Variants in MYEF2 observed in about 807,000 individuals in gnomAD.
MYEF2 encodes myelin gene expression factor 2.
Under a neutral mutation model 75.2 loss-of-function variants are expected in MYEF2, and 37 were observed. The ratio of observed to expected loss-of-function variants is 0.49; its 90% confidence interval spans 0.38 to 0.65. The LOEUF (loss-of-function observed/expected upper bound fraction) is 0.65, where lower values mean the gene tolerates loss of function less well. MYEF2 is among the 30% of genes least tolerant of loss of function. MYEF2 has a pLI of 0.00. For synonymous variants in MYEF2, 195 were observed against 241.6 expected, an observed-to-expected ratio of 0.81 and a Z score of 1.79; for missense variants, 634 against 771.4, an observed-to-expected ratio of 0.82 and a Z score of 2.11.
chr15:48,157,823 C>T (rs901435489), intron 9 of MYEF2, 170 bp downstream of exon 9: 7 of 1,358,686 alleles, frequency 5.2e-6, no homozygotes, highest in African/African-American at 1.5e-5. Flanking sequence ...GCACGTAACA[C>T]TTATCTTCTC....
Position 48,139,521 on chromosome 15 carries a change from TA to T in MYEF2, c.*3386del, listed in dbSNP as rs397960204. ...CTTTATATTGAATTCCATTCCATAATAAAAAAAAAAAAGAACAAAAAAACAA... is the reference window on the plus strand; with the variant it reads ...CTTTATATTGAATTCCATTCCATAATAAAAAAAAAAAGAACAAAAAAACAA... On this transcript the variant is annotated 3_prime_UTR_variant, in exon 17 of 17. Coordinates refer to ENST00000324324, the MANE Select transcript of MYEF2 (RefSeq NM_016132.5). 9.7e-3 allele frequency: 1,395 copies of T among 143,654 alleles called. 2 individuals are homozygous for T. The highest frequency in any genetic ancestry group is 0.017 in the East Asian group (88 of 5,218). The allele number at this position is 143,654 out of a possible 1,614,324, so 8.9% of individuals were successfully genotyped here.
intron 1 of MYEF2, among the ~76,000 whole-genome samples, chr15:48,174,780 C>T (rs991458937): frequency 1.3e-5 from 2 of 151,994 alleles, no homozygotes; most frequent in African/African-American, 2.4e-5. Context: ...ATCGAAAAGT[C>T]AAAAGATAGC....
chr15:48,159,986 AT>A (rs2039874812), intron 5 of MYEF2, among the ~76,000 whole-genome samples, 182 bp from the exon 6 acceptor site: 1 of 152,140 alleles, frequency 6.6e-6, no homozygotes, highest in African/African-American at 2.4e-5. Flanking sequence ...TAAACAAAAT[AT>A]TTCAGCCTCC....
Position 48,158,023 on chromosome 15 carries a change from A to T in MYEF2, c.955T>A (p.Ser319Thr), listed in dbSNP as rs1458849175. 6.2e-7 allele frequency: 1 copy of T among 1,613,238 alleles called. No homozygotes were observed. The highest frequency in any genetic ancestry group is 1.7e-5 in the Admixed American group (1 of 59,972). Residue 319 changes from serine (S) to threonine (T), a missense_variant, in exon 9 of 17, where the codon TCA (serine) becomes ACA (threonine). By Grantham distance (58) the Ser-to-Thr change is moderately conservative. Coordinates refer to ENST00000324324, the MANE Select transcript of MYEF2 (RefSeq NM_016132.5). Reference protein sequence around the residue: ...DKSVPHEEYRSHDGKTPQLPR... With the variant: ...DKSVPHEEYRTHDGKTPQLPR... ...AATTGTGGTGTTTTACCATCATGTGAACGGTACTCTTCATGAGGAACAGAC... is the reference window on the plus strand; with the variant it reads ...AATTGTGGTGTTTTACCATCATGTGTACGGTACTCTTCATGAGGAACAGAC...
intron 1 of MYEF2, among the ~76,000 whole-genome samples, chr15:48,177,662 G>A (rs1048662126): frequency 7.0e-6 from 1 of 142,594 alleles, no homozygotes. Flanking sequence ...GTGGTTAAGA[G>A]GAAATGTCCG....
intron 1 of MYEF2, among the ~76,000 whole-genome samples, chr15:48,171,511 T>A (rs1597357115): frequency 2.8e-3 from 1 of 362 alleles, no homozygotes; most frequent in Non-Finnish European, 0.17. Flanking sequence ...AATTTCTTCA[T>A]TTTTCCCCCA....
Position 48,152,255 on chromosome 15 carries a change from C to A in MYEF2, c.1117G>T (p.Gly373Ter), listed in dbSNP as rs867729468. ...GMGMDGPGFG[G>*]MNRIGGGIGF... ...ATACCTCCTCCAATTCTATTCATTC[C>A]TCCAAAACCTGGACCATCCATTCCC... The change falls in exon 11 of 17, where the codon GGA becomes TGA. Residue 373 changes from glycine (G) to a stop codon, truncating the protein, a stop_gained. Coordinates refer to ENST00000324324, the MANE Select transcript of MYEF2 (RefSeq NM_016132.5). LOFTEE classifies it high-confidence loss of function. The A allele has an allele frequency of 4.3e-6, 7 of 1,611,872 alleles. No individual in the cohort carries two copies. The highest frequency in any genetic ancestry group is 1.1e-5 in the South Asian group (1 of 90,970).
Position 48,141,314 on chromosome 15 carries a change from C to A in MYEF2, c.*1594G>T. On this transcript the variant is annotated 3_prime_UTR_variant, in exon 17 of 17. Transcript: ENST00000324324. Reference sequence around the variant, plus strand: ...TTACTTCCAGCCGGGTGTGGTGGCTCGCGCCTGTAATCCCAGGATTTTGGG... The same window carrying A: ...TTACTTCCAGCCGGGTGTGGTGGCTAGCGCCTGTAATCCCAGGATTTTGGG... The A allele has an allele frequency of 1.1e-6, 1 of 951,814 alleles. No individual in the cohort carries two copies. The highest frequency in any genetic ancestry group is 1.6e-6 in the Non-Finnish European group (1 of 628,672). 59.0% of individuals were successfully genotyped at this position (951,814 alleles called of 1,614,324 possible).
chr15:48,174,409 A>G (rs991085245), intron 1 of MYEF2, among the ~76,000 whole-genome samples: 43 of 150,018 alleles, frequency 2.9e-4, no homozygotes, highest in Non-Finnish European at 2.7e-4. Context: ...TTTTTTTGAT[A>G]TGACACCAAA....
intron 3 of MYEF2, among the ~76,000 whole-genome samples, chr15:48,166,877 G>A (rs528388037): frequency 6.4e-4 from 97 of 151,958 alleles, no homozygotes; most frequent in African/African-American, 2.2e-3. Context: ...CAATATAATC[G>A]TAAATGTCAT....
Position 48,168,618 on chromosome 15 carries a change from CAG to C in MYEF2, c.370+11_370+12del. On this transcript the variant is annotated intron_variant, in intron 2 of 16. Transcript: ENST00000324324. ...AAGATTATCCAACAGTGGGTTATTT[CAG>C]AGATAGTTACCTTTCTCTCTCATTA... is the stretch of plus-strand genomic sequence containing the variant. 2 of 1,591,238 alleles carry C rather than the reference CAG, an allele frequency of 1.3e-6. No individual in the cohort carries two copies. Among genetic ancestry groups the C allele is most frequent in the Non-Finnish European group, 8.6e-7 (1 of 1,160,402 alleles).
At chr15:48,160,503 A>ACACG (rs2039899087) in intron 5 of MYEF2, among the ~76,000 whole-genome samples, 4 of 151,874 alleles carry the variant, frequency 2.6e-5, no homozygotes. Context: ...ACACACACAC[A>ACACG]CACACACACA....
intron 5 of MYEF2, among the ~76,000 whole-genome samples, chr15:48,160,415 TAAAC>T: frequency 6.6e-6 from 1 of 151,886 alleles, no homozygotes; most frequent in Non-Finnish European, 1.5e-5. Flanking sequence ...GAAATGATAT[TAAAC>T]ATTGTTTTTT....
chr15:48,137,041 A>AG lies in MYEF2; in HGVS notation c.*5866_*5867insC, dbSNP rs2038918995. 5 of 1,437,604 alleles carry AG rather than the reference A, an allele frequency of 3.5e-6. No individual in the cohort carries two copies. The highest frequency in any genetic ancestry group is 4.7e-6 in the Non-Finnish European group (5 of 1,071,520). The allele number at this position is 1,437,604 out of a possible 1,614,324, so 89.1% of individuals were successfully genotyped here. A position where few individuals can be genotyped will look rare whatever the true frequency, so the allele number is the denominator to read the frequency against. ...AAAATTTCATTTCAATTCAGCAAGTATTGTGTGCTTTTTATGTAAAAAAGA... is the reference window on the plus strand; with the variant it reads ...AAAATTTCATTTCAATTCAGCAAGTAGTTGTGTGCTTTTTATGTAAAAAAGA... On this transcript the variant is annotated 3_prime_UTR_variant, in exon 17 of 17. Coordinates refer to ENST00000324324, the MANE Select transcript of MYEF2 (RefSeq NM_016132.5).
At chr15:48,151,047 C>T in intron 14 of MYEF2, 53 bp downstream of exon 14, 1 of 1,298,140 alleles carries the variant, frequency 7.7e-7, no homozygotes, top group Admixed American at 1.9e-5. Flanking sequence ...CTTGCAAAGT[C>T]TTTGCAAGCA....
rs768926540 is a variant in MYEF2, at chr15:48,135,244, G to A, written c.*7664C>T. The A allele has an allele frequency of 2.0e-5, 6 of 297,782 alleles. No homozygotes were observed. The highest frequency in any genetic ancestry group is 3.8e-5 in the Non-Finnish European group (6 of 156,954). 18.4% of individuals were successfully genotyped at this position (297,782 alleles called of 1,614,324 possible). On this transcript the variant is annotated 3_prime_UTR_variant, in exon 17 of 17. Coordinates refer to ENST00000324324, the MANE Select transcript of MYEF2 (RefSeq NM_016132.5). ...ACCACCACTTTTCCTTCTCCCCACTGGCTGCCTATTCAGAAAGTTTCCCAA... is the reference window on the plus strand; with the variant it reads ...ACCACCACTTTTCCTTCTCCCCACTAGCTGCCTATTCAGAAAGTTTCCCAA...
intron 16 of MYEF2, among the ~76,000 whole-genome samples, chr15:48,144,416 A>C (rs2039203576): frequency 6.6e-6 from 1 of 151,970 alleles, no homozygotes; most frequent in Non-Finnish European, 1.5e-5. Context: ...TCACCTACTA[A>C]ACACTAATTA....
Position 48,142,201 on chromosome 15 carries a change from TC to T in MYEF2, c.*706del. The T allele has an allele frequency of 6.2e-7, 1 of 1,613,878 alleles. No individual in the cohort carries two copies. Among genetic ancestry groups the T allele is most frequent in the Non-Finnish European group, 8.5e-7 (1 of 1,179,882 alleles). On this transcript the variant is annotated 3_prime_UTR_variant, in exon 17 of 17. Transcript: ENST00000324324. ...TCTCTCTCAACATTTCAATTATTTTTCTTTTTTTAGCAGTTCACTTCAATGG... is the reference window on the plus strand; with the variant it reads ...TCTCTCTCAACATTTCAATTATTTTTTTTTTTTAGCAGTTCACTTCAATGG...
In MYEF2 at chr15:48,151,860, A is replaced by C. The variant is rs746459795; in HGVS notation, c.1207+14T>G. 11 of 1,612,134 alleles carry C rather than the reference A, an allele frequency of 6.8e-6. No homozygotes were observed. The South Asian group carries it at 1.2e-4, about 18-fold the overall frequency. On this transcript the variant is annotated intron_variant, in intron 12 of 16. Coordinates refer to ENST00000324324, the MANE Select transcript of MYEF2 (RefSeq NM_016132.5). ...TAAATATGCACACACTTCCCACTGCATACATTTACCTACCTCCCATTCGGC... is the reference window on the plus strand; with the variant it reads ...TAAATATGCACACACTTCCCACTGCCTACATTTACCTACCTCCCATTCGGC...
Sources: gnomAD v4.1 joint callset for allele counts (sites outside exome capture counted in the v4.1 genomes callset) on GRCh38, gnomAD v4.1.1 for gene constraint, MANE v1.5 for transcripts, NCBI Gene and HGNC (gene_info 2026-07-23, HGNC 2026-07-21) for gene names.